Variants in TMEM245 observed in about 807,000 individuals in gnomAD.
The protein encoded by TMEM245 is transmembrane protein 245.
TMEM245 carries 69 observed loss-of-function variants against 101.2 expected under a neutral mutation model. The observed-to-expected ratio is 0.68, with a 90% confidence interval of 0.56 to 0.83. The LOEUF (loss-of-function observed/expected upper bound fraction) is 0.83, where lower values mean the gene tolerates loss of function less well. Ranked by LOEUF, TMEM245 falls within the 40% of genes least tolerant of loss-of-function variation. The pLI, the probability that TMEM245 is intolerant of heterozygous loss-of-function variation, is 0.00. For missense variants in TMEM245, 1,075 were observed against 1,092.8 expected (o/e 0.98, Z 0.23); for synonymous variants, 537 against 449.8 (o/e 1.19, Z -2.45).
chr9:109,071,808 G>A (rs1289613795), intron 9 of TMEM245, among the ~76,000 whole-genome samples: 1 of 152,092 alleles, frequency 6.6e-6, no homozygotes, highest in African/African-American at 2.4e-5. Flanking sequence ...AAGTTGTTAG[G>A]TGGATAACAC....
At chr9:109,111,075 GA>G (rs1303430848) in intron 1 of TMEM245, among the ~76,000 whole-genome samples, 2 of 150,838 alleles carry the variant, frequency 1.3e-5, no homozygotes, top group Non-Finnish European at 3.0e-5. Flanking sequence ...AGGGGAAAAA[GA>G]AAAAAAAAGT....
At chr9:109,115,522 CTT>C (rs752894720) in intron 1 of TMEM245, among the ~76,000 whole-genome samples, 123 of 67,208 alleles carry the variant, frequency 1.8e-3, no homozygotes, top group Middle Eastern at 0.014. Context: ...TAACTGGAAT[CTT>C]TTTTTTTTTT....
At chr9:109,115,213 G>A (rs967364194) in intron 1 of TMEM245, among the ~76,000 whole-genome samples, 7 of 152,056 alleles carry the variant, frequency 4.6e-5, no homozygotes, top group African/African-American at 1.7e-4. Flanking sequence ...AGCCGGGCGT[G>A]GTGGGTGCCT....
chr9:109,034,557 C>T (rs1004283508), intron 16 of TMEM245, among the ~76,000 whole-genome samples: 2 of 152,132 alleles, frequency 1.3e-5, no homozygotes, highest in Non-Finnish European at 2.9e-5. Context: ...AGTGATCTTC[C>T]TACCTCAGCC....
rs778672087 is a variant in TMEM245 at position 109,119,485 on chromosome 9, C to G, written c.429G>C (p.Leu143=). Residue 143 remains leucine, a synonymous_variant, in exon 1 of 18, where the codon CTG becomes CTC. Transcript: ENST00000374586. ...GCAGCAGGAGCAGGCGGCGGCGGCG[C>G]AGCGCCTGCTCGCCCAGGGCCTCGA... ...YGVEALGEQA[L]RRRRLLLLLG... is the part of the protein sequence containing the mutation. 8.1e-6 allele frequency: 12 copies of G among 1,488,696 alleles called. No individual in the cohort carries two copies. The South Asian group carries it at 1.4e-4, about 18-fold the overall frequency. The allele number at this position is 1,488,696 out of a possible 1,614,324, so 92.2% of individuals were successfully genotyped here. A position where few individuals can be genotyped will look rare whatever the true frequency, so the allele number is the denominator to read the frequency against.
intron 17 of TMEM245, among the ~76,000 whole-genome samples, chr9:109,028,246 T>C (rs1161896524): frequency 6.6e-6 from 1 of 151,524 alleles, no homozygotes; most frequent in Non-Finnish European, 1.5e-5. Context: ...GGTCAGGAGT[T>C]CGAGACCAGC....
At chr9:109,049,735 G>A (rs1828615420) in intron 14 of TMEM245, among the ~76,000 whole-genome samples, 1 of 152,150 alleles carries the variant, frequency 6.6e-6, no homozygotes, top group South Asian at 2.1e-4. Flanking sequence ...GCTAAAGCAG[G>A]AGAATCACTT....
At chr9:109,028,360 G>A (rs945223156) in intron 17 of TMEM245, among the ~76,000 whole-genome samples, 29 of 151,726 alleles carry the variant, frequency 1.9e-4, no homozygotes, top group African/African-American at 6.8e-4. Context: ...AAGCTGTGGC[G>A]GGAGAATCAT....
chr9:109,103,200 T>C (rs764850244), intron 3 of TMEM245, among the ~76,000 whole-genome samples: 1 of 152,180 alleles, frequency 6.6e-6, no homozygotes, highest in Non-Finnish European at 1.5e-5. Context: ...AACTTACATA[T>C]GCAGAATCCT....
intron 17 of TMEM245, among the ~76,000 whole-genome samples, chr9:109,025,604 G>A (rs1206169733): frequency 6.6e-6 from 1 of 152,188 alleles, no homozygotes; most frequent in African/African-American, 2.4e-5. Flanking sequence ...TGGGACATAT[G>A]CCTTACAGGA....
At chr9:109,066,966 C>T (rs1265544017) in intron 9 of TMEM245, among the ~76,000 whole-genome samples, 1 of 147,518 alleles carries the variant, frequency 6.8e-6, no homozygotes, top group Non-Finnish European at 1.5e-5. Context: ...TGAGGAAGGA[C>T]AATTGCTTGA....
chr9:109,050,207 G>A, intron 14 of TMEM245, 76 bp downstream of exon 14: 2 of 1,533,846 alleles, frequency 1.3e-6, no homozygotes, highest in Non-Finnish European at 1.8e-6. Flanking sequence ...TTATCAGGAT[G>A]CTCATGACAA....
intron 7 of TMEM245, among the ~76,000 whole-genome samples, chr9:109,083,916 A>AAAC (rs1829751131): frequency 7.5e-6 from 1 of 132,584 alleles, no homozygotes; most frequent in Admixed American, 8.7e-5. Flanking sequence ...AAAAAAAAAA[A>AAAC]AAAAAAAAAA....
At chr9:109,116,652 G>A (rs190094512) in intron 1 of TMEM245, among the ~76,000 whole-genome samples, 3 of 151,860 alleles carry the variant, frequency 2.0e-5, no homozygotes, top group East Asian at 1.9e-4. Flanking sequence ...TCAGCCTCCC[G>A]AGTAGCTGGG....
At chr9:109,070,852 T>C (rs2132477601) in intron 9 of TMEM245, among the ~76,000 whole-genome samples, 1 of 152,272 alleles carries the variant, frequency 6.6e-6, no homozygotes, top group East Asian at 1.9e-4. Flanking sequence ...ATTTGGGCTT[T>C]TTGTCTGAAT....
intron 5 of TMEM245, among the ~76,000 whole-genome samples, chr9:109,088,838 G>T (rs1453727561): frequency 7.5e-6 from 1 of 133,436 alleles, no homozygotes. Context: ...AAAAAAAAAA[G>T]TATGGAACAA....
chr9:109,025,443 CA>C (rs1827765890), intron 17 of TMEM245, among the ~76,000 whole-genome samples: 1 of 152,114 alleles, frequency 6.6e-6, no homozygotes, highest in South Asian at 2.1e-4. Flanking sequence ...AAAGCGTGTA[CA>C]AAAACAGCCA....
chr9:109,112,489 C>T (rs551506328), intron 1 of TMEM245, among the ~76,000 whole-genome samples: 61 of 149,048 alleles, frequency 4.1e-4, no homozygotes, highest in African/African-American at 1.5e-3. Flanking sequence ...TACAGTGAGC[C>T]GAGATTGCAC....
rs763124823 is a variant in TMEM245, at chr9:109,050,272, C to T, written c.2123+11G>A. 6.2e-7 allele frequency: 1 copy of T among 1,613,698 alleles called. No homozygotes were observed. Among genetic ancestry groups the T allele is most frequent in the Non-Finnish European group, 8.5e-7 (1 of 1,179,904 alleles). Reference sequence around the variant, plus strand: ...TGGGAGAAATAAGAATAGCATAAACCTTATCCCTACCTGATAGCTTCTTCC... The same window carrying T: ...TGGGAGAAATAAGAATAGCATAAACTTTATCCCTACCTGATAGCTTCTTCC... On this transcript the variant is annotated intron_variant, in intron 14 of 17. Coordinates refer to ENST00000374586, the MANE Select transcript of TMEM245 (RefSeq NM_032012.4).
Sources: allele counts gnomAD v4.1 joint callset (sites outside exome capture counted in the v4.1 genomes callset), GRCh38; gene constraint gnomAD v4.1.1; transcripts MANE v1.5; gene names NCBI Gene and HGNC (gene_info 2026-07-23, HGNC 2026-07-21).